The following ERG variants were observed in gnomAD, a reference collection of about 807,000 sequenced individuals.
The protein encoded by ERG is ETS transcription factor ERG, also known as transcriptional regulator ERG.
A neutral mutation model predicts 55.3 loss-of-function variants in ERG; 9 were observed. The ratio of observed to expected loss-of-function variants is 0.16; its 90% CI spans 0.10 to 0.28. The LOEUF is 0.28. Among genes scored for constraint, ERG ranks in the 10% least tolerant of loss-of-function variants. ERG has a pLI of 1.00. For synonymous variants in ERG, 223 were observed against 237.3 expected (o/e 0.94, Z 0.55); for missense variants, 434 against 631.6 (o/e 0.69, Z 3.35).
At chr21:38,444,783 G>A (rs1946687539) in intron 2 of ERG, among the ~76,000 whole-genome samples, 1 of 151,770 alleles carries the variant, frequency 6.6e-6, no homozygotes, top group African/African-American at 2.4e-5. Context: ...GAGATCAGAG[G>A]GTGGGGTGAG....
chr21:38,660,492 C>G (rs1281996767), intron 1 of ERG: 2 of 152,320 alleles, frequency 1.3e-5, no homozygotes, highest in Admixed American at 6.5e-5. Context: ...GCGTGGGAGC[C>G]GGGCAGGTCG....
chr21:38,374,905 T>A, the ERG span, among the ~76,000 whole-genome samples: 1 of 152,220 alleles, frequency 6.6e-6, no homozygotes, highest in Non-Finnish European at 1.5e-5. Context: ...AAGATTGTTT[T>A]CTGACCCCAT....
chr21:38,598,636 C>G (rs1358153763), intron 1 of ERG, among the ~76,000 whole-genome samples: 2 of 152,184 alleles, frequency 1.3e-5, no homozygotes, highest in Non-Finnish European at 2.9e-5. Flanking sequence ...GCACAACTCT[C>G]TAAGGAGTGA....
chr21:38,577,680 C>T (rs1024451237), intron 1 of ERG, among the ~76,000 whole-genome samples: 2 of 152,184 alleles, frequency 1.3e-5, no homozygotes, highest in South Asian at 4.1e-4. Context: ...CAGGAAAACA[C>T]CACTCTGCTC....
intron 1 of ERG, among the ~76,000 whole-genome samples, chr21:38,481,596 T>C (rs1423336697): frequency 6.6e-6 from 1 of 152,230 alleles, no homozygotes; most frequent in Non-Finnish European, 1.5e-5. Context: ...AAATTAATCT[T>C]TATTATAAAG....
At chr21:38,631,787 A>T (rs1601333550) in intron 1 of ERG, among the ~76,000 whole-genome samples, 1 of 151,850 alleles carries the variant, frequency 6.6e-6, no homozygotes, top group South Asian at 2.1e-4. Flanking sequence ...CCCTCCTGGC[A>T]TCTCCTCTCT....
Position 38,549,894 on chromosome 21 carries a change from G to A in ERG, c.-41+25768C>T, listed in dbSNP as rs572561167. Among the ~76,000 whole-genome samples the A allele has an allele frequency of 3.0e-4, 46 of 152,288 alleles. 1 individual carries two copies. The highest frequency in any genetic ancestry group is 1.1e-3 in the African/African-American group (45 of 41,574). ...GGGGACATGGAGACAGCCAGTCACT[G>A]AGCCCCTGCCTTCCCTTGGCCATGC... On this transcript the variant is annotated intron_variant, in intron 2 of 8. Coordinates refer to the ERG transcript ENST00000398897.
chr21:38,525,954 TA>T (rs762458869), intron 2 of ERG, among the ~76,000 whole-genome samples: 55 of 152,204 alleles, frequency 3.6e-4, no homozygotes, highest in South Asian at 1.7e-3. Context: ...AGAATCCGTT[TA>T]AAAAAAATAA....
chr21:38,603,068 C>T (rs1020182626), intron 1 of ERG, among the ~76,000 whole-genome samples: 1 of 151,782 alleles, frequency 6.6e-6, no homozygotes, highest in Admixed American at 6.6e-5. Flanking sequence ...CTGTCCAGCC[C>T]CCAGGTACTA....
intron 3 of ERG, among the ~76,000 whole-genome samples, chr21:38,418,278 T>TGTGTGTGTGTGTGG (rs1278095718): frequency 1.6e-5 from 2 of 124,864 alleles, no homozygotes; most frequent in African/African-American, 5.2e-5. Flanking sequence ...GAAGTGTGTG[T>TGTGTGTGTGTGTGG]GTGTGTGTGT....
At chr21:38,596,321 C>A (rs1194065784) in intron 1 of ERG, among the ~76,000 whole-genome samples, 1 of 152,098 alleles carries the variant, frequency 6.6e-6, no homozygotes, top group Non-Finnish European at 1.5e-5. Context: ...GTAGGGTAAG[C>A]AAATGAACAC....
chr21:38,580,730 C>T (rs17230728), intron 1 of ERG, among the ~76,000 whole-genome samples: 6,501 of 152,248 alleles, frequency 0.043, 189 homozygotes, highest in Non-Finnish European at 0.064. Context: ...TAGAAACAAA[C>T]TTGATTTGAA....
intron 1 of ERG, among the ~76,000 whole-genome samples, chr21:38,473,440 T>TAC (rs2059158734): frequency 1.3e-5 from 2 of 150,474 alleles, no homozygotes; most frequent in Admixed American, 6.6e-5. Context: ...TATATATATA[T>TAC]ACAAAGCTGT....
chr21:38,598,132 T>C (rs1232308241), intron 1 of ERG, among the ~76,000 whole-genome samples: 1 of 152,208 alleles, frequency 6.6e-6, no homozygotes, highest in Non-Finnish European at 1.5e-5. Flanking sequence ...GACCTTGCTC[T>C]AGCACAGGAA....
chr21:38,633,918 TG>T (rs2060372348), intron 1 of ERG, among the ~76,000 whole-genome samples: 1 of 151,702 alleles, frequency 6.6e-6, no homozygotes, highest in African/African-American at 2.4e-5. Context: ...GGCAGTGTGA[TG>T]GGCTGCCCTA....
intron 1 of ERG, among the ~76,000 whole-genome samples, chr21:38,492,782 A>C (rs1212079075): frequency 6.6e-6 from 1 of 152,188 alleles, no homozygotes; most frequent in Non-Finnish European, 1.5e-5. Context: ...AAATATGTGG[A>C]AAGTAAGCTA....
chr21:38,623,088 A>G (rs1050692546), intron 1 of ERG, among the ~76,000 whole-genome samples: 2 of 150,174 alleles, frequency 1.3e-5, no homozygotes, highest in Non-Finnish European at 1.5e-5. Context: ...CACACCACAC[A>G]CATTATATAT....
intron 3 of ERG, among the ~76,000 whole-genome samples, chr21:38,408,502 T>A (rs1555894654): frequency 6.6e-6 from 1 of 152,224 alleles, no homozygotes; most frequent in Non-Finnish European, 1.5e-5. Context: ...ATAACAAGAC[T>A]GAAGACCTAG....
intron 2 of ERG, among the ~76,000 whole-genome samples, chr21:38,530,405 T>C (rs2059664153): frequency 6.6e-6 from 1 of 152,216 alleles, no homozygotes; most frequent in African/African-American, 2.4e-5. Context: ...CTTCAAATAG[T>C]TGAAAGGTTC....
Sources: gnomAD v4.1 joint callset for allele counts (sites outside exome capture counted in the v4.1 genomes callset) on GRCh38, gnomAD v4.1.1 for gene constraint, MANE v1.5 for transcripts, NCBI Gene and HGNC (gene_info 2026-07-23, HGNC 2026-07-21) for gene names.